Variants in SNED1 observed in about 807,000 individuals in gnomAD.
SNED1 encodes the protein sushi, nidogen and EGF like domains 1.
In SNED1, 81 loss-of-function variants were observed where a neutral mutation model predicts 166.7. The observed-to-expected ratio is 0.49, with a 90% confidence interval of 0.41 to 0.58. The LOEUF (loss-of-function observed/expected upper bound fraction) is 0.58. SNED1 is among the 20% of genes least tolerant of loss of function. The pLI is 0.00. For synonymous variants in SNED1, 762 were observed against 822.0 expected (o/e 0.93, Z 1.25); for missense variants, 1,604 against 2,000.2 (o/e 0.80, Z 3.78).
chr2:241,064,347 C>T lies in SNED1; in HGVS notation c.2599+222C>T, dbSNP rs538005124. 4.6e-5 allele frequency among the ~76,000 whole-genome samples: 7 copies of T among 152,112 alleles called. No homozygotes were observed. The highest frequency in any genetic ancestry group is 1.2e-4 in the African/African-American group (5 of 41,424). The stretch of plus-strand genomic sequence containing the variant: ...TCTAAACCTCCCCATCTCCTGCGCT[C>T]ACCCCCCAGACACCCCTCTTCACCC... On this transcript the variant is annotated intron_variant, in intron 19 of 31. Transcript: ENST00000310397. This position sits in a 1 kb window ranked among gnomAD's most constrained non-coding sequence, Gnocchi z 7.0.
chr2:241,014,629 G>T (rs1028272300), intron 1 of SNED1, among the ~76,000 whole-genome samples: 1 of 152,126 alleles, frequency 6.6e-6, no homozygotes, highest in African/African-American at 2.4e-5. Flanking sequence ...TCGCCGATTC[G>T]TGGGGGTTCT....
At chr2:241,087,620 C>T (rs1464762909) in intron 30 of SNED1, 145 bp downstream of exon 30, 4 of 1,438,692 alleles carry the variant, frequency 2.8e-6, no homozygotes, top group South Asian at 1.5e-5. Flanking sequence ...TGGGCAGCCA[C>T]GTTCTGCTAC....
chr2:241,068,569 A>C lies in SNED1; in HGVS notation c.3195-342A>C, dbSNP rs1191812869. On this transcript the variant is annotated intron_variant, in intron 22 of 31. Coordinates refer to ENST00000310397, the MANE Select transcript of SNED1 (RefSeq NM_001080437.3). This position sits in a 1 kb window ranked among gnomAD's most constrained non-coding sequence, Gnocchi z 5.3. ...GTCCTGTGGTTTCCTGAGAATTTACATCAACTCACCTGTGCTGAGGGCCCG... is the reference window on the plus strand; with the variant it reads ...GTCCTGTGGTTTCCTGAGAATTTACCTCAACTCACCTGTGCTGAGGGCCCG... Among the ~76,000 whole-genome samples, 2 of 152,026 alleles carry C rather than the reference A, an allele frequency of 1.3e-5. No individual in the cohort carries two copies. Among genetic ancestry groups the C allele is most frequent in the East Asian group, 3.9e-4 (2 of 5,184 alleles).
intron 15 of SNED1, among the ~76,000 whole-genome samples, chr2:241,052,775 ATG>A (rs2061910849): frequency 6.2e-5 from 7 of 112,404 alleles, no homozygotes; most frequent in African/African-American, 2.8e-4. Context: ...GGTACATGGG[ATG>A]CTGGTGTCAG....
rs1377909079 is a variant in SNED1 at position 241,091,331 on chromosome 2, C to T, written c.*2-307C>T. On this transcript the variant is annotated intron_variant, in intron 31 of 31. Transcript: ENST00000310397. This position sits in a 1 kb window ranked among gnomAD's most constrained non-coding sequence, Gnocchi z 4.1. ...GAAGGAGGAGGGCAGGGAAGAGGAA[C>T]AGGCTGTGATTTCACATTTAAAAGT... Among the ~76,000 whole-genome samples the T allele has an allele frequency of 6.6e-6, 1 of 152,214 alleles. No individual in the cohort carries two copies. Among genetic ancestry groups the T allele is most frequent in the Non-Finnish European group, 1.5e-5 (1 of 68,046 alleles).
intron 31 of SNED1, chr2:241,088,637 G>A (rs1289779493): frequency 3.6e-6 from 2 of 549,746 alleles, no homozygotes; most frequent in Non-Finnish European, 6.4e-6. Context: ...GTGGAAATGA[G>A]GCTCTCTGTG....
rs560367046 is a variant in SNED1, at chr2:241,018,372, C to T, written c.214-11912C>T. Among the ~76,000 whole-genome samples, 30 of 152,314 alleles carry T rather than the reference C, an allele frequency of 2.0e-4. 2 individuals are homozygous for T. In the South Asian group the frequency reaches 6.0e-3, roughly 31 times the overall value. On this transcript the variant is annotated intron_variant, in intron 1 of 31. Transcript: ENST00000310397. The surrounding 1 kb of genome is among the most constrained non-coding windows in gnomAD (Gnocchi z 5.4). ...CAGGACAGAGATGGGGAACCCAGCG[C>T]AGGTCAGGTTGCCAGCTCAGCAGTA...
In SNED1 at chr2:241,069,161, C is replaced by T. The variant is rs144733338; in HGVS notation, c.3307+138C>T. The T allele has an allele frequency of 2.0e-3, 1,262 of 623,336 alleles. 14 individuals are homozygous for T. In the African/African-American group the frequency reaches 0.021, roughly 11 times the overall value. 38.6% of individuals were successfully genotyped at this position (623,336 alleles called of 1,614,324 possible). A position where few individuals can be genotyped will look rare whatever the true frequency, so the allele number is the denominator to read the frequency against. On this transcript the variant is annotated intron_variant, in intron 23 of 31. Transcript: ENST00000310397. This position sits in a 1 kb window ranked among gnomAD's most constrained non-coding sequence, Gnocchi z 4.9. ...CCCCTGGCCTCCCAGATGTCTCTTC[C>T]GCTGGGGCCACTGGGCAGGAGCCGC...
At chr2:241,046,497 G>A (rs752187050) in intron 8 of SNED1, among the ~76,000 whole-genome samples, 3 of 152,180 alleles carry the variant, frequency 2.0e-5, no homozygotes, top group Non-Finnish European at 1.5e-5. Flanking sequence ...AGATACATAC[G>A]ACAACTTAGA....
chr2:241,023,804 C>T (rs1241909879), intron 1 of SNED1, among the ~76,000 whole-genome samples: 3 of 151,222 alleles, frequency 2.0e-5, no homozygotes, highest in African/African-American at 7.3e-5. Context: ...ATTATACCAG[C>T]TCTTGCTTTT....
chr2:241,029,839 A>T (rs6755298), intron 1 of SNED1, among the ~76,000 whole-genome samples: 6 of 151,790 alleles, frequency 4.0e-5, no homozygotes, highest in Non-Finnish European at 7.4e-5. Context: ...CCCGAAGCCC[A>T]CCTTGTGTGA....
At position 241,094,455 on chromosome 2, in the gene SNED1, G is replaced by C; in HGVS notation, c.*2819G>C. ...CTGCTGGAGAAAACAAAAGCACCTA[G>C]ATTTCAGTGCTGAATCCCCACAATT... is the stretch of plus-strand genomic sequence containing the variant. On this transcript the variant is annotated 3_prime_UTR_variant, in exon 32 of 32. Coordinates refer to ENST00000310397, the MANE Select transcript of SNED1 (RefSeq NM_001080437.3). The surrounding 1 kb of genome is among the most constrained non-coding windows in gnomAD (Gnocchi z 4.3). 2.1e-6 allele frequency: 1 copy of C among 469,456 alleles called. No individual in the cohort carries two copies. The highest frequency in any genetic ancestry group is 2.0e-5 in the African/African-American group (1 of 50,128). The allele number at this position is 469,456 out of a possible 1,614,324, so 29.1% of individuals were successfully genotyped here. A position where few individuals can be genotyped will look rare whatever the true frequency, so the allele number is the denominator to read the frequency against.
In SNED1 at chr2:241,052,397, C is replaced by CCTG; in HGVS notation, c.2014_2016dup (p.Cys672dup). ...CGGAGCCCGTGTGTGAATGGGGGCA[C>CCTG]CTGCGAGGACCGGGACACGGATTTC... On this transcript the variant is annotated inframe_insertion, in exon 15 of 32. Coordinates refer to ENST00000310397, the MANE Select transcript of SNED1 (RefSeq NM_001080437.3). The CCTG allele has an allele frequency of 6.3e-7, 1 of 1,596,070 alleles. No individual in the cohort carries two copies. The highest frequency in any genetic ancestry group is 8.5e-7 in the Non-Finnish European group (1 of 1,170,588).
intron 1 of SNED1, among the ~76,000 whole-genome samples, chr2:241,029,253 G>A (rs1010198551): frequency 6.6e-6 from 1 of 152,200 alleles, no homozygotes; most frequent in Non-Finnish European, 1.5e-5. Context: ...GCCTTAGATT[G>A]AGTGGCTCAT....
chr2:241,040,884 A>T (rs1574963135), intron 8 of SNED1: 1 of 466,564 alleles, frequency 2.1e-6, no homozygotes, highest in East Asian at 7.0e-5. Context: ...TTTAACTGCT[A>T]GTTGTGACTT....
intron 1 of SNED1, among the ~76,000 whole-genome samples, chr2:241,006,458 G>T (rs1399964400): frequency 6.6e-6 from 1 of 152,228 alleles, no homozygotes; most frequent in Non-Finnish European, 1.5e-5. Context: ...TTCCACAGTG[G>T]TATGGGTTGG....
At chr2:240,998,500 G>A (rs1277920779), upstream of SNED1, among the ~76,000 whole-genome samples, 4 of 152,174 alleles carry the variant, frequency 2.6e-5, no homozygotes, top group African/African-American at 7.2e-5. Flanking sequence ...TGAGCTCCCC[G>A]CGCGCCCGCG....
At chr2:241,029,912 C>T (rs1412907546) in intron 1 of SNED1, among the ~76,000 whole-genome samples, 1 of 152,276 alleles carries the variant, frequency 6.6e-6, no homozygotes, top group East Asian at 1.9e-4. Flanking sequence ...CCTGCGGCCC[C>T]AGCCGGAGCA....
chr2:241,089,026 G>C, intron 31 of SNED1: 1 of 351,920 alleles, frequency 2.8e-6, no homozygotes, highest in Non-Finnish European at 5.1e-6. Flanking sequence ...GTTTAAGCCA[G>C]CATTTCCCAA....
Sources: allele counts gnomAD v4.1 joint callset (sites outside exome capture counted in the v4.1 genomes callset), GRCh38; gene constraint gnomAD v4.1.1; non-coding constraint Gnocchi (gnomAD v3.1); transcripts MANE v1.5; gene names NCBI Gene and HGNC (gene_info 2026-07-23, HGNC 2026-07-21).